The following TENM1 variants were observed in gnomAD, a reference collection of about 807,000 sequenced individuals.
TENM1 encodes teneurin transmembrane protein 1, also known as teneurin-1.
A neutral mutation model predicts 174.8 loss-of-function variants in TENM1; 35 were observed. The ratio of observed to expected loss-of-function variants is 0.20; its 90% confidence interval spans 0.15 to 0.27. The LOEUF (loss-of-function observed/expected upper bound fraction) is 0.27, where lower values mean the gene tolerates loss of function less well. Ranked by LOEUF, TENM1 falls within the 10% of genes least tolerant of loss-of-function variation. The pLI is 1.00. For missense variants in TENM1, 1,633 were observed against 2,130.1 expected (o/e 0.77, Z 4.59); for synonymous variants, 781 against 798.7 (o/e 0.98, Z 0.37).
intron 6 of TENM1, among the ~76,000 whole-genome samples, chrX:124,664,322 C>T (rs1182041538): frequency 2.7e-5 from 3 of 110,710 alleles, no homozygotes; most frequent in South Asian, 3.8e-4. Flanking sequence ...TGCAGGACTG[C>T]GTTCCATCTG....
chrX:124,645,001 A>G (rs755209923), intron 10 of TENM1, 142 bp downstream of exon 13: 4 of 516,247 alleles, frequency 7.7e-6, no homozygotes, highest in Non-Finnish European at 1.2e-5. Flanking sequence ...CGCTGACCCA[A>G]ACCCTCTGCT....
At chrX:124,934,314 A>C in intron 1 of TENM1, among the ~76,000 whole-genome samples, 1 of 112,274 alleles carries the variant, frequency 8.9e-6, no homozygotes, top group Middle Eastern at 4.6e-3. Context: ...GCCTGACTCC[A>C]TGCATTTTAG....
intron 3 of TENM1, among the ~76,000 whole-genome samples, chrX:124,835,252 A>C (rs936171881): frequency 8.9e-6 from 1 of 111,989 alleles, no homozygotes; most frequent in Admixed American, 9.5e-5. Flanking sequence ...TTTTGACTAA[A>C]ACATTTATAA....
intron 18 of TENM1, among the ~76,000 whole-genome samples, chrX:124,514,691 TACCAACCA>T (rs749021228): frequency 5.4e-5 from 6 of 110,435 alleles, no homozygotes; most frequent in Non-Finnish European, 7.6e-5. Flanking sequence ...ATAAATAGCC[TACCAACCA>T]ACCAACCAAC....
At position 124,712,985 on chromosome X, in the gene TENM1, A is replaced by G. The variant is rs773178267; in HGVS notation, c.777-7734T>C. Among the ~76,000 whole-genome samples the G allele has an allele frequency of 2.4e-4, 27 of 111,518 alleles. No individual in the cohort carries two copies. The South Asian group carries it at 9.8e-3, about 41-fold the overall frequency. Reference sequence around the variant, plus strand: ...CAAAGATATCAACCTCAACATCTCTACTAACAACTATATAAAGGAGAATTT... The same window carrying G: ...CAAAGATATCAACCTCAACATCTCTGCTAACAACTATATAAAGGAGAATTT... On this transcript the variant is annotated intron_variant, in intron 4 of 31. Coordinates refer to ENST00000422452, the Ensembl canonical transcript of TENM1.
intron 16 of TENM1, among the ~76,000 whole-genome samples, chrX:124,527,814 A>ATT (rs756753688): frequency 2.1e-4 from 18 of 86,675 alleles, no homozygotes; most frequent in African/African-American, 7.7e-4. Flanking sequence ...ACGCCCAGCT[A>ATT]TTTTTTTTTT....
At chrX:125,095,225 T>C in the TENM1 span, among the ~76,000 whole-genome samples, 7 of 111,996 alleles carry the variant, frequency 6.3e-5, no homozygotes, top group African/African-American at 1.9e-4. Flanking sequence ...AAAGATGCTC[T>C]GATATTGAAA....
At chrX:124,994,995 C>T in the TENM1 span, among the ~76,000 whole-genome samples, 1 of 110,979 alleles carries the variant, frequency 9.0e-6, no homozygotes, top group South Asian at 3.8e-4. Context: ...TGCAGCCTCA[C>T]TTGTGCCATT....
At chrX:124,791,651 C>CTTT (rs2055182076) in intron 3 of TENM1, among the ~76,000 whole-genome samples, 1 of 111,590 alleles carries the variant, frequency 9.0e-6, no homozygotes, top group Non-Finnish European at 1.9e-5. Flanking sequence ...AATTATCAAA[C>CTTT]ATCAAAAATG....
intron 1 of TENM1, among the ~76,000 whole-genome samples, chrX:124,917,796 A>C (rs5956711): frequency 0.1 from 11,289 of 111,327 alleles, 1,355 homozygotes; most frequent in African/African-American, 0.35. Context: ...TCTGCTCCTT[A>C]CTAGTATATT....
intron 11 of TENM1, among the ~76,000 whole-genome samples, chrX:124,583,037 GA>G (rs1569322442): frequency 8.9e-6 from 1 of 112,343 alleles, no homozygotes; most frequent in Non-Finnish European, 1.9e-5. Flanking sequence ...TGGGAAGCTC[GA>G]ACTGGGTGGA....
intron 1 of TENM1, among the ~76,000 whole-genome samples, chrX:124,915,857 A>G (rs1035573144): frequency 1.1e-4 from 12 of 112,495 alleles, no homozygotes; most frequent in African/African-American, 3.9e-4. Context: ...GAAGGTCTTA[A>G]TAAGCATCTC....
At chrX:124,683,733 A>T (rs2052292885) in intron 5 of TENM1, among the ~76,000 whole-genome samples, 1 of 112,016 alleles carries the variant, frequency 8.9e-6, no homozygotes, top group South Asian at 3.7e-4. Flanking sequence ...GTCAAAATGG[A>T]TCACTTTGTT....
intron 27 of TENM1, among the ~76,000 whole-genome samples, chrX:124,403,356 T>C (rs1474837295): frequency 9.2e-6 from 1 of 108,485 alleles, no homozygotes; most frequent in Admixed American, 9.8e-5. Context: ...CCGTCTCTAC[T>C]AAAAATACAA....
At chrX:124,955,797 GCACACACACACA>G (rs376755403) in intron 1 of TENM1, among the ~76,000 whole-genome samples, 4 of 91,250 alleles carry the variant, frequency 4.4e-5, no homozygotes, top group Non-Finnish European at 8.3e-5. Context: ...ACACGCGCAC[GCACACACACACA>G]CACACACACA....
chrX:125,041,486 C>G, the TENM1 span, among the ~76,000 whole-genome samples: 4 of 111,452 alleles, frequency 3.6e-5, no homozygotes, highest in Admixed American at 2.9e-4. Context: ...ATTGAACTTT[C>G]ATTATCTTTA....
chrX:124,881,482 G>T (rs1324758358), intron 3 of TENM1, among the ~76,000 whole-genome samples: 1 of 109,700 alleles, frequency 9.1e-6, no homozygotes, highest in African/African-American at 3.3e-5. Context: ...TTCATTTGTT[G>T]TTCCTTTGTA....
intron 14 of TENM1, among the ~76,000 whole-genome samples, chrX:124,559,139 C>T (rs2048756904): frequency 8.9e-6 from 1 of 111,875 alleles, no homozygotes; most frequent in Admixed American, 9.5e-5. Flanking sequence ...GAAACATTGG[C>T]TCAACCTTAA....
chrX:124,570,437 G>T (rs903367352), intron 11 of TENM1, among the ~76,000 whole-genome samples: 1 of 111,012 alleles, frequency 9.0e-6, no homozygotes, highest in African/African-American at 3.3e-5. Context: ...CTCATTCATG[G>T]ATACAAAAAT....
Sources: allele counts gnomAD v4.1 joint callset (sites outside exome capture counted in the v4.1 genomes callset), GRCh38; gene constraint gnomAD v4.1.1; transcripts MANE v1.5; gene names NCBI Gene and HGNC (gene_info 2026-07-23, HGNC 2026-07-21).